The following UBL3 variants were observed in gnomAD, a reference collection of about 807,000 sequenced individuals.
UBL3 encodes the protein ubiquitin like 3, also known as ubiquitin-like protein 3.
In UBL3, 6 loss-of-function variants were observed where a neutral mutation model predicts 18.4. The ratio of observed to expected loss-of-function variants is 0.33; its 90% CI spans 0.18 to 0.64. The LOEUF (loss-of-function observed/expected upper bound fraction) is 0.64. Among genes scored for constraint, UBL3 ranks in the 30% least tolerant of loss-of-function variants. The probability of loss-of-function intolerance (pLI) is 0.76; values close to 1 mark genes in which losing one functional copy is unlikely to be tolerated. For missense variants in UBL3, 109 were observed against 142.9 expected, an observed-to-expected ratio of 0.76 and a Z score of 1.21; for synonymous variants, 49 against 46.6, an observed-to-expected ratio of 1.05 and a Z score of -0.21.
intron 1 of UBL3, among the ~76,000 whole-genome samples, chr13:29,820,772 T>G (rs1878414995): frequency 6.6e-6 from 1 of 152,226 alleles, no homozygotes; most frequent in Non-Finnish European, 1.5e-5. Context: ...AAGTCAACCC[T>G]TCAGCTTATT....
chr13:29,843,729 A>C (rs1879163510), intron 1 of UBL3, among the ~76,000 whole-genome samples: 1 of 152,244 alleles, frequency 6.6e-6, no homozygotes, highest in Non-Finnish European at 1.5e-5. Flanking sequence ...ATTCATTGTA[A>C]GGAAGATTTT....
At chr13:29,773,355 C>T (rs1360179424) in intron 2 of UBL3, among the ~76,000 whole-genome samples, 9 of 152,102 alleles carry the variant, frequency 5.9e-5, no homozygotes, top group African/African-American at 1.9e-4. Flanking sequence ...TCCTGTAAGG[C>T]TTTGTTGCCT....
chr13:29,770,693 C>T (rs193046710), intron 3 of UBL3, among the ~76,000 whole-genome samples: 2 of 151,772 alleles, frequency 1.3e-5, no homozygotes, highest in East Asian at 3.9e-4. Context: ...CTTGTATGAG[C>T]CATGGAGAAT....
chr13:29,828,174 G>A (rs997733687), intron 1 of UBL3, among the ~76,000 whole-genome samples: 10 of 152,024 alleles, frequency 6.6e-5, no homozygotes, highest in African/African-American at 2.4e-4. Flanking sequence ...TGCCCTTCTC[G>A]AGGAGTATCT....
At chr13:29,772,238 A>G in intron 2 of UBL3, 40 bp from the exon 3 acceptor site, 1 of 1,529,362 alleles carries the variant, frequency 6.5e-7, no homozygotes, top group Non-Finnish European at 9.0e-7. Flanking sequence ...ATATTCCAAC[A>G]TATAATTAAG....
intron 1 of UBL3, among the ~76,000 whole-genome samples, chr13:29,844,854 AAT>A (rs1879191842): frequency 6.6e-6 from 1 of 152,144 alleles, no homozygotes; most frequent in Admixed American, 6.5e-5. Flanking sequence ...TAATACTATA[AAT>A]ATATATTTTT....
chr13:29,845,553 T>C (rs1879209960), intron 1 of UBL3, among the ~76,000 whole-genome samples: 1 of 152,118 alleles, frequency 6.6e-6, no homozygotes, highest in Non-Finnish European at 1.5e-5. Context: ...ACATATGTCA[T>C]TTTACTTTAA....
intron 1 of UBL3, among the ~76,000 whole-genome samples, chr13:29,808,256 T>G (rs1237672212): frequency 2.6e-5 from 4 of 152,212 alleles, no homozygotes; most frequent in Non-Finnish European, 4.4e-5. Flanking sequence ...AAAGGTGTCA[T>G]AGTATTCTTA....
chr13:29,785,099 T>C (rs996571204), intron 1 of UBL3, among the ~76,000 whole-genome samples: 1 of 152,028 alleles, frequency 6.6e-6, no homozygotes, highest in Non-Finnish European at 1.5e-5. Context: ...AGAGATGGGG[T>C]TTCACCATAT....
rs186842202 is a variant in UBL3, at chr13:29,823,172, C to T, written c.27+26340G>A. ...TCTTTTTTTTCTTTGAGAAGGAGTT[C>T]GCTCCTGTTGCCCAGGCTGGAGTGC... On this transcript the variant is annotated intron_variant, in intron 1 of 4. Transcript: ENST00000380680. Among the ~76,000 whole-genome samples, 118 of 152,002 alleles carry T rather than the reference C, an allele frequency of 7.8e-4. 1 individual carries two copies. Among genetic ancestry groups the T allele is most frequent in the African/African-American group, 2.8e-3 (117 of 41,436 alleles).
intron 1 of UBL3, among the ~76,000 whole-genome samples, chr13:29,847,993 C>T (rs1052556642): frequency 1.3e-5 from 2 of 152,078 alleles, no homozygotes; most frequent in Non-Finnish European, 2.9e-5. Context: ...CCCCCAGAGA[C>T]AGAACACTGT....
At chr13:29,847,048 A>G (rs1879245955) in intron 1 of UBL3, among the ~76,000 whole-genome samples, 2 of 152,228 alleles carry the variant, frequency 1.3e-5, no homozygotes, top group Admixed American at 6.5e-5. Context: ...CATGGTATTA[A>G]GAGTTTAATA....
chr13:29,835,883 G>A (rs1023017995), intron 1 of UBL3, among the ~76,000 whole-genome samples: 6 of 151,410 alleles, frequency 4.0e-5, no homozygotes, highest in African/African-American at 1.5e-4. Flanking sequence ...TTAAAGCATA[G>A]CAAATCAAAT....
intron 1 of UBL3, among the ~76,000 whole-genome samples, chr13:29,831,653 T>C (rs2761936): frequency 0.1 from 15,251 of 150,232 alleles, 953 homozygotes; most frequent in African/African-American, 0.17. Context: ...TATATGATAG[T>C]TGACTAAAAT....
rs1168483214 is a variant in UBL3, at chr13:29,766,070, G to C, written c.*1185C>G. On this transcript the variant is annotated 3_prime_UTR_variant, in exon 5 of 5. Transcript: ENST00000380680. Reference sequence around the variant, plus strand: ...TTCATCCAGGAAGAATTTCTTCCCAGTGAAAAAATATAAAAATCTTTCATA... The same window carrying C: ...TTCATCCAGGAAGAATTTCTTCCCACTGAAAAAATATAAAAATCTTTCATA... 3 of 152,552 alleles carry C rather than the reference G, an allele frequency of 2.0e-5. No individual in the cohort carries two copies. The East Asian group carries it at 5.8e-4, about 29-fold the overall frequency. The allele number at this position is 152,552 out of a possible 1,614,324, so 9.4% of individuals were successfully genotyped here.
chr13:29,825,469 G>A (rs1878591873), intron 1 of UBL3, among the ~76,000 whole-genome samples: 2 of 152,112 alleles, frequency 1.3e-5, no homozygotes, highest in South Asian at 4.1e-4. Context: ...AAGCAATTGT[G>A]AATGGGATTT....
chr13:29,828,602 T>G (rs1424150084), intron 1 of UBL3, among the ~76,000 whole-genome samples: 1 of 152,218 alleles, frequency 6.6e-6, no homozygotes, highest in Admixed American at 6.5e-5. Flanking sequence ...GGTTTTTAGC[T>G]TCTCTGCAAT....
At chr13:29,816,386 C>G (rs1878281992) in intron 1 of UBL3, among the ~76,000 whole-genome samples, 1 of 152,098 alleles carries the variant, frequency 6.6e-6, no homozygotes, top group Non-Finnish European at 1.5e-5. Context: ...TTTTGACTAT[C>G]TAAAACAAAT....
intron 1 of UBL3, among the ~76,000 whole-genome samples, chr13:29,794,663 T>C (rs1877564702): frequency 6.6e-6 from 1 of 152,246 alleles, no homozygotes; most frequent in Non-Finnish European, 1.5e-5. Context: ...GTTTAGACTC[T>C]TATGACTAGG....
Sources: gnomAD v4.1 joint callset for allele counts (sites outside exome capture counted in the v4.1 genomes callset) on GRCh38, gnomAD v4.1.1 for gene constraint, MANE v1.5 for transcripts, NCBI Gene and HGNC (gene_info 2026-07-23, HGNC 2026-07-21) for gene names.